XNDC1N: variants seen among roughly 807,000 people sequenced by gnomAD.
XNDC1N encodes protein XNDC1N.
chr11:71,918,467 A>G, the XNDC1N span, among the ~76,000 whole-genome samples: 1 of 152,022 alleles, frequency 6.6e-6, no homozygotes, highest in Non-Finnish European at 1.5e-5. Context: ...TTTTTGGTAG[A>G]GACAGGATTT....
the XNDC1N span, among the ~76,000 whole-genome samples, chr11:71,883,054 T>C: frequency 6.6e-6 from 1 of 152,092 alleles, no homozygotes; most frequent in Non-Finnish European, 1.5e-5. Flanking sequence ...GAAAGACTGG[T>C]ACATTAAAAA....
chr11:71,917,930 G>C, the XNDC1N span, among the ~76,000 whole-genome samples: 1 of 152,016 alleles, frequency 6.6e-6, no homozygotes, highest in Non-Finnish European at 1.5e-5. Flanking sequence ...AGTAACTGGA[G>C]TGGAATGAGA....
At chr11:71,920,287 C>T in the XNDC1N span, among the ~76,000 whole-genome samples, 12 of 145,844 alleles carry the variant, frequency 8.2e-5, no homozygotes, top group Admixed American at 3.5e-4. Flanking sequence ...CACCATGATA[C>T]GCTATTTCAT....
chr11:71,907,731 T>A, the XNDC1N span, among the ~76,000 whole-genome samples: 4 of 151,530 alleles, frequency 2.6e-5, no homozygotes, highest in Non-Finnish European at 1.5e-5. Flanking sequence ...ACGTGTCCAC[T>A]TTCTGTGATA....
the XNDC1N span, among the ~76,000 whole-genome samples, chr11:71,908,757 G>C: frequency 0.033 from 5,066 of 152,262 alleles, 87 homozygotes; most frequent in East Asian, 0.078. Flanking sequence ...TGCTCATGTT[G>C]CTCTTTAACA....
At chr11:71,914,215 A>T in the XNDC1N span, 22 of 450,582 alleles carry the variant, frequency 4.9e-5, no homozygotes, top group South Asian at 3.3e-4. Context: ...CTAGGAAAGT[A>T]AATTAAAACC....
chr11:71,870,392 T>A, the XNDC1N span, among the ~76,000 whole-genome samples: 1 of 152,190 alleles, frequency 6.6e-6, no homozygotes, highest in Non-Finnish European at 1.5e-5. Context: ...CCTGGGAAGC[T>A]GGTACCAGGC....
chr11:71,923,993 TG>T, the XNDC1N span, among the ~76,000 whole-genome samples: 1 of 152,196 alleles, frequency 6.6e-6, no homozygotes, highest in East Asian at 1.9e-4. Context: ...TATATTAAGA[TG>T]TTAATGTTGG....
chr11:71,910,639 A>C, the XNDC1N span, among the ~76,000 whole-genome samples: 2 of 152,190 alleles, frequency 1.3e-5, no homozygotes, highest in African/African-American at 4.8e-5. Flanking sequence ...AAGGTGTCCA[A>C]GAAGAAAGCT....
At chr11:71,912,865 C>G in the XNDC1N span, among the ~76,000 whole-genome samples, 1 of 152,140 alleles carries the variant, frequency 6.6e-6, no homozygotes, top group East Asian at 1.9e-4. Flanking sequence ...GTATCATCCT[C>G]TCCCCCTTGC....
chr11:71,908,822 A>C, the XNDC1N span, among the ~76,000 whole-genome samples: 3 of 152,306 alleles, frequency 2.0e-5, no homozygotes, highest in South Asian at 4.2e-4. Flanking sequence ...AGGAACATGC[A>C]CCAGCTGATT....
the XNDC1N span, among the ~76,000 whole-genome samples, chr11:71,921,809 A>G: frequency 5.3e-5 from 8 of 152,288 alleles, no homozygotes; most frequent in African/African-American, 1.9e-4. Context: ...TAAAGAGTAC[A>G]GTGGAAAACA....
the XNDC1N span, among the ~76,000 whole-genome samples, chr11:71,926,418 C>T: frequency 1.3e-5 from 2 of 152,126 alleles, no homozygotes; most frequent in African/African-American, 4.8e-5. Context: ...ACTCGTTTAC[C>T]CTGTATGCCT....
the XNDC1N span, among the ~76,000 whole-genome samples, chr11:71,922,928 C>T: frequency 1.3e-5 from 2 of 152,188 alleles, no homozygotes; most frequent in African/African-American, 4.8e-5. Context: ...GCTGAGATCA[C>T]ACTTGATGCT....
At chr11:71,886,919 G>A in the XNDC1N span, among the ~76,000 whole-genome samples, 1 of 152,204 alleles carries the variant, frequency 6.6e-6, no homozygotes, top group East Asian at 1.9e-4. Context: ...ACTCAGCTTG[G>A]CTGTCAGAGT....
At chr11:71,880,742 A>G in the XNDC1N span, among the ~76,000 whole-genome samples, 5 of 152,134 alleles carry the variant, frequency 3.3e-5, no homozygotes, top group African/African-American at 1.2e-4. Flanking sequence ...AACATTTGTT[A>G]TTTTCTTCTG....
the XNDC1N span, among the ~76,000 whole-genome samples, chr11:71,890,183 C>A: frequency 4.6e-5 from 7 of 152,286 alleles, no homozygotes; most frequent in African/African-American, 1.4e-4. Flanking sequence ...GTTATCCTCT[C>A]CCCTCCTCCC....
the XNDC1N span, among the ~76,000 whole-genome samples, chr11:71,882,083 A>G: frequency 1.3e-5 from 2 of 152,144 alleles, no homozygotes; most frequent in Non-Finnish European, 2.9e-5. Context: ...ATCAAAGACG[A>G]AAAGAAAATC....
At chr11:71,894,014 C>G in the XNDC1N span, 5 of 825,938 alleles carry the variant, frequency 6.1e-6, no homozygotes, top group South Asian at 1.4e-5. Flanking sequence ...TGTGACCCCT[C>G]TCAACTTCTC....
Sources: allele counts gnomAD v4.1 joint callset (sites outside exome capture counted in the v4.1 genomes callset), GRCh38; gene constraint gnomAD v4.1.1; transcripts MANE v1.5; gene names NCBI Gene and HGNC (gene_info 2026-07-23, HGNC 2026-07-21).